Variants in RUNX1T1 observed in about 807,000 individuals in gnomAD.
The protein encoded by RUNX1T1 is RUNX1 partner transcriptional co-repressor 1.
RUNX1T1 carries 4 observed loss-of-function variants against 62.8 expected under a neutral mutation model. The ratio of observed to expected loss-of-function variants is 0.06; its 90% confidence interval spans 0.03 to 0.15. The LOEUF is 0.15. Ranked by LOEUF, RUNX1T1 falls within the 10% of genes least tolerant of loss-of-function variation. The probability of loss-of-function intolerance (pLI) is 1.00; values close to 1 mark genes in which losing one functional copy is unlikely to be tolerated. For synonymous variants in RUNX1T1, 291 were observed against 286.0 expected, an observed-to-expected ratio of 1.02 and a Z score of -0.18; for missense variants, 508 against 754.3, an observed-to-expected ratio of 0.67 and a Z score of 3.82.
intron 6 of RUNX1T1, among the ~76,000 whole-genome samples, chr8:91,988,897 C>T: frequency 6.6e-6 from 1 of 152,006 alleles, no homozygotes; most frequent in African/African-American, 2.4e-5. Flanking sequence ...TAGATATAAT[C>T]AAATCTTTAA....
intron 10 of RUNX1T1, among the ~76,000 whole-genome samples, chr8:91,962,077 G>A (rs958338451): frequency 2.0e-5 from 3 of 152,164 alleles, no homozygotes; most frequent in South Asian, 2.1e-4. Context: ...TGTGCAAAAC[G>A]TGCAAGGGAA....
In RUNX1T1 at chr8:92,004,378, G is replaced by A. The variant is rs146267952; in HGVS notation, c.659+738C>T. Reference sequence around the variant, plus strand: ...ATTCCTATATCAGAAGATAATTATAGATGAGGATGAGGTATTCATAAAAAT... The same window carrying A: ...ATTCCTATATCAGAAGATAATTATAAATGAGGATGAGGTATTCATAAAAAT... On this transcript the variant is annotated intron_variant, in intron 5 of 10. Coordinates refer to ENST00000396218, the Ensembl canonical transcript of RUNX1T1. 22 of 152,334 alleles carry A rather than the reference G, an allele frequency of 1.4e-4. No individual in the cohort carries two copies. In the East Asian group the frequency reaches 4.1e-3, roughly 28 times the overall value. The allele number at this position is 152,334 out of a possible 1,614,324, so 9.4% of individuals were successfully genotyped here.
chr8:92,044,799 T>A (rs1332606846), intron 1 of RUNX1T1, among the ~76,000 whole-genome samples: 1 of 152,214 alleles, frequency 6.6e-6, no homozygotes, highest in Non-Finnish European at 1.5e-5. Context: ...GAGAAAATCA[T>A]ACCTAGTTTT....
chr8:92,080,127 G>A (rs112598869), intron 1 of RUNX1T1, among the ~76,000 whole-genome samples: 1 of 152,004 alleles, frequency 6.6e-6, no homozygotes, highest in Non-Finnish European at 1.5e-5. Flanking sequence ...GTCTCATCTG[G>A]GGGGTGCTCA....
At chr8:91,966,794 G>GC in intron 10 of RUNX1T1, among the ~76,000 whole-genome samples, 1 of 152,236 alleles carries the variant, frequency 6.6e-6, no homozygotes, top group East Asian at 1.9e-4. Flanking sequence ...GATATCTGCC[G>GC]CAAGTCCAGT....
intron 1 of RUNX1T1, among the ~76,000 whole-genome samples, chr8:92,056,962 G>A (rs1326904659): frequency 6.6e-6 from 1 of 152,054 alleles, no homozygotes; most frequent in African/African-American, 2.4e-5. Flanking sequence ...GCTCTGTCAG[G>A]GAGTAAATTT....
chr8:92,062,301 T>C (rs765659780), intron 1 of RUNX1T1, among the ~76,000 whole-genome samples: 1 of 152,042 alleles, frequency 6.6e-6, no homozygotes, highest in Non-Finnish European at 1.5e-5. Flanking sequence ...TACGACCCCC[T>C]CAACCTTTAA....
upstream of RUNX1T1, among the ~76,000 whole-genome samples, chr8:92,065,532 T>A (rs1832747262): frequency 1.3e-5 from 2 of 152,186 alleles, no homozygotes; most frequent in Admixed American, 1.3e-4. Context: ...GTAAGTTTAG[T>A]CAACAACAAA....
rs1358842023 is a variant in RUNX1T1 at position 92,045,410 on chromosome 8, T to TGTAG, written c.7+17135_7+17136insCTAC. On this transcript the variant is annotated intron_variant, in intron 1 of 10. Coordinates refer to ENST00000396218, the Ensembl canonical transcript of RUNX1T1. The stretch of plus-strand genomic sequence containing the variant: ...CTGTAGGCAAGATGGATCCTACTAT[T>TGTAG]GTAAGAGTCTCCAATTCAACCTATC... 1.1e-4 allele frequency among the ~76,000 whole-genome samples: 16 copies of TGTAG among 152,302 alleles called. 1 individual carries two copies. Among genetic ancestry groups the TGTAG allele is most frequent in the Admixed American group, 9.8e-4 (15 of 15,300 alleles).
chr8:92,081,414 C>T (rs965884560), intron 1 of RUNX1T1: 2 of 208,858 alleles, frequency 9.6e-6, no homozygotes, highest in Non-Finnish European at 1.7e-5. Context: ...AATTACTGCA[C>T]TATTAGTGAT....
In RUNX1T1 at chr8:91,985,673, T is replaced by C. The variant is rs117580665; in HGVS notation, c.1198+451A>G. ...TATATATATGATTCAACTAACAAGA[T>C]TGTCTTACAGGCTGTTTTCTGAATT... is the stretch of plus-strand genomic sequence containing the variant. On this transcript the variant is annotated intron_variant, in intron 8 of 10. Coordinates refer to ENST00000396218, the Ensembl canonical transcript of RUNX1T1. Among the ~76,000 whole-genome samples the C allele has an allele frequency of 6.7e-3, 1,022 of 152,234 alleles. 4 individuals are homozygous for C. Among genetic ancestry groups the C allele is most frequent in the Non-Finnish European group, 0.011 (782 of 68,020 alleles).
At position 92,059,814 on chromosome 8, in the gene RUNX1T1, C is replaced by CT. The variant is rs537482706; in HGVS notation, c.7+2731dup. Among the ~76,000 whole-genome samples the CT allele has an allele frequency of 8.2e-4, 125 of 151,972 alleles. 2 individuals are homozygous for CT. In the South Asian group the frequency reaches 0.023, roughly 28 times the overall value. The stretch of plus-strand genomic sequence containing the variant: ...GTAAAACCAGATTTTGAAAACAAAC[C>CT]TTTTTTTTCTCTCTTTTGGAAACTT... On this transcript the variant is annotated intron_variant, in intron 1 of 10. Transcript: ENST00000396218.
intron 9 of RUNX1T1, among the ~76,000 whole-genome samples, chr8:91,973,334 A>T (rs1316506056): frequency 6.6e-6 from 1 of 151,924 alleles, no homozygotes; most frequent in African/African-American, 2.4e-5. Flanking sequence ...AATCTAGGTG[A>T]AAGTTATAGA....
At chr8:92,042,051 G>A (rs1005429462) in intron 1 of RUNX1T1, among the ~76,000 whole-genome samples, 1 of 151,370 alleles carries the variant, frequency 6.6e-6, no homozygotes, top group African/African-American at 2.4e-5. Flanking sequence ...TCCAGCTCCT[G>A]ACCTCAAGAG....
chr8:92,006,102 T>C (rs1038025907), intron 4 of RUNX1T1: 3 of 152,128 alleles, frequency 2.0e-5, no homozygotes, highest in Admixed American at 6.5e-5. Flanking sequence ...AACGGGCTGG[T>C]TGATAGGCTG....
At chr8:92,087,160 G>A (rs1243124140) in intron 1 of RUNX1T1, among the ~76,000 whole-genome samples, 3 of 152,150 alleles carry the variant, frequency 2.0e-5, no homozygotes, top group African/African-American at 7.2e-5. Context: ...GGAAGACCCT[G>A]TGCCCAATCT....
At chr8:92,057,120 C>T (rs1563863532) in intron 1 of RUNX1T1, among the ~76,000 whole-genome samples, 1 of 152,168 alleles carries the variant, frequency 6.6e-6, no homozygotes, top group Admixed American at 6.5e-5. Flanking sequence ...AACCAGCATG[C>T]TAACCTGTTT....
intron 5 of RUNX1T1, among the ~76,000 whole-genome samples, chr8:91,999,690 C>A (rs1819395318): frequency 6.6e-6 from 1 of 152,150 alleles, no homozygotes; most frequent in Non-Finnish European, 1.5e-5. Flanking sequence ...ATATGTTAGT[C>A]TGTCAATTAT....
At chr8:92,031,996 G>A (rs1327865784) in intron 1 of RUNX1T1, among the ~76,000 whole-genome samples, 3 of 150,672 alleles carry the variant, frequency 2.0e-5, no homozygotes, top group African/African-American at 2.4e-5. Context: ...GGGAGGCTGA[G>A]GCACGAGAAT....
Sources: gnomAD v4.1 joint callset for allele counts (sites outside exome capture counted in the v4.1 genomes callset) on GRCh38, gnomAD v4.1.1 for gene constraint, MANE v1.5 for transcripts, NCBI Gene and HGNC (gene_info 2026-07-23, HGNC 2026-07-21) for gene names.